The following KDM4B variants were observed in gnomAD, a reference collection of about 807,000 sequenced individuals.
The protein encoded by KDM4B is lysine demethylase 4B, also known as lysine-specific demethylase 4B.
Under a neutral mutation model 125.2 loss-of-function variants are expected in KDM4B, and 32 were observed. The ratio of observed to expected loss-of-function variants is 0.26; its 90% confidence interval spans 0.19 to 0.34. KDM4B has a LOEUF of 0.34. KDM4B is among the 10% of genes least tolerant of loss of function. KDM4B has a pLI of 1.00. For synonymous variants in KDM4B, 721 were observed against 677.9 expected (o/e 1.06, Z -0.99); for missense variants, 1,190 against 1,577.7 (o/e 0.75, Z 4.16).
Position 5,055,854 on chromosome 19 carries a change from CAG to C in KDM4B, c.626+8190_626+8191del, listed in dbSNP as rs1455938890. 3.9e-5 allele frequency among the ~76,000 whole-genome samples: 6 copies of C among 152,204 alleles called. No individual in the cohort carries two copies. In the South Asian group the frequency reaches 8.3e-4, roughly 21 times the overall value. Reference sequence around the variant, plus strand: ...TGAAAAAGTGGGAAGGTAGTAACCACAGAGAGTTCCCCACCGGGTTCCCTGTT... The same window carrying C: ...TGAAAAAGTGGGAAGGTAGTAACCACAGAGTTCCCCACCGGGTTCCCTGTT... On this transcript the variant is annotated intron_variant, in intron 6 of 22. Coordinates refer to ENST00000159111, the MANE Select transcript of KDM4B (RefSeq NM_015015.3).
rs1051110658 is a variant in KDM4B at position 4,971,427 on chromosome 19, G to C, written c.-109+2197G>C. On this transcript the variant is annotated intron_variant, in intron 1 of 22. Transcript: ENST00000159111. This position sits in a 1 kb window ranked among gnomAD's most constrained non-coding sequence, Gnocchi z 4.1. ...AATTCCTAATTTCTCTGTCTCCTCT[G>C]CTGGTTTCCTGCCCGTTTGTCCTAT... Among the ~76,000 whole-genome samples, 3 of 132,966 alleles carry C rather than the reference G, an allele frequency of 2.3e-5. No individual in the cohort carries two copies. Among genetic ancestry groups the C allele is most frequent in the African/African-American group, 9.0e-5 (3 of 33,276 alleles). 87.2% of individuals were successfully genotyped at this position (132,966 alleles called of 152,430 possible).
rs772711975 is a variant in KDM4B, at chr19:5,111,857, G to A, written c.1115+1039G>A. 10 of 763,600 alleles carry A rather than the reference G, an allele frequency of 1.3e-5. No homozygotes were observed. In the East Asian group the frequency reaches 1.7e-4, roughly 13 times the overall value. 47.3% of individuals were successfully genotyped at this position (763,600 alleles called of 1,614,324 possible). A position where few individuals can be genotyped will look rare whatever the true frequency, so the allele number is the denominator to read the frequency against. ...GATGATAGACAGCGAAGAAATGCGC[G>A]TGGCTGTGTCCGTGAAGCTTTGTTT... On this transcript the variant is annotated intron_variant, in intron 10 of 22. Transcript: ENST00000159111.
chr19:5,095,659 A>G (rs2038805927), intron 9 of KDM4B, among the ~76,000 whole-genome samples: 1 of 152,082 alleles, frequency 6.6e-6, no homozygotes, highest in African/African-American at 2.4e-5. Flanking sequence ...AGAGCCTGCT[A>G]GGAGGAGGGA....
chr19:5,130,578 C>T (rs918354191), intron 11 of KDM4B, among the ~76,000 whole-genome samples: 5 of 152,276 alleles, frequency 3.3e-5, no homozygotes, highest in Non-Finnish European at 7.3e-5. Flanking sequence ...CAAGGTTTTA[C>T]TTTCGTCAAA....
intron 12 of KDM4B, 110 bp from the exon 13 acceptor site, chr19:5,131,777 C>T: frequency 7.2e-7 from 1 of 1,394,050 alleles, no homozygotes; most frequent in Non-Finnish European, 1.0e-6. Context: ...ACAGTCACCC[C>T]AGGAGAGGAG....
chr19:5,137,763 G>A, intron 17 of KDM4B, 87 bp downstream of exon 17: 1 of 1,306,308 alleles, frequency 7.7e-7, no homozygotes, highest in Non-Finnish European at 1.0e-6. Context: ...CCAGTGCCTA[G>A]GGGTTGACCA....
At chr19:5,052,137 G>A (rs746735986) in intron 6 of KDM4B, among the ~76,000 whole-genome samples, 4 of 152,230 alleles carry the variant, frequency 2.6e-5, no homozygotes, top group South Asian at 2.1e-4. Flanking sequence ...GCTGCAAGCC[G>A]AGAATTTTCC....
chr19:5,087,646 C>T (rs1184530023), intron 9 of KDM4B, among the ~76,000 whole-genome samples: 1 of 152,242 alleles, frequency 6.6e-6, no homozygotes, highest in Non-Finnish European at 1.5e-5. Flanking sequence ...CCAGCATCTC[C>T]CCTCTCCTGC....
intron 1 of KDM4B, among the ~76,000 whole-genome samples, chr19:4,973,121 G>T (rs1407880881): frequency 6.6e-6 from 1 of 152,208 alleles, no homozygotes; most frequent in Non-Finnish European, 1.5e-5. Flanking sequence ...TCACCTCTTT[G>T]ATCTTGGCCT....
intron 1 of KDM4B, among the ~76,000 whole-genome samples, chr19:5,000,248 C>G (rs527933805): frequency 7.4e-6 from 1 of 135,542 alleles, no homozygotes; most frequent in Non-Finnish European, 1.6e-5. Flanking sequence ...CATCCACCCA[C>G]CCATCCATCC....
rs111428174 is a variant in KDM4B, at chr19:5,135,235, G to A, written c.2086-104G>A. ...TCCCCGACCTCCCCCTCCAGAGCCAGGGGGTGTCGAAGCCTGGGGCAGGTG... is the reference window on the plus strand; with the variant it reads ...TCCCCGACCTCCCCCTCCAGAGCCAAGGGGTGTCGAAGCCTGGGGCAGGTG... On this transcript the variant is annotated intron_variant, in intron 14 of 22. Coordinates refer to ENST00000159111, the MANE Select transcript of KDM4B (RefSeq NM_015015.3). 326 of 722,312 alleles carry A rather than the reference G, an allele frequency of 4.5e-4. 2 individuals carry two copies. The African/African-American group carries it at 5.1e-3, about 11-fold the overall frequency. The allele number at this position is 722,312 out of a possible 1,614,324, so 44.7% of individuals were successfully genotyped here. A position where few individuals can be genotyped will look rare whatever the true frequency, so the allele number is the denominator to read the frequency against.
In KDM4B at chr19:5,151,344, A is replaced by T; in HGVS notation, c.3124A>T (p.Thr1042Ser). ...TTCCGCTCTCCCGCAGTCACTGAGC[A>T]CGGGGGCACCGCAGGAGCCCGCCTT... ...KRVRSRLSLS[T>S]GAPQEPAFSG... Residue 1042 changes from threonine (T) to serine (S), a missense_variant, in exon 23 of 23, where the codon ACG becomes TCG. Thr to Ser is a moderately conservative substitution (Grantham distance 58). Around this residue, in one of 7 missense-constraint regions of KDM4B, gnomAD observed 109 missense variants for 93.8 expected, o/e 1.16. Transcript: ENST00000159111. 1 of 1,561,336 alleles carries T rather than the reference A, an allele frequency of 6.4e-7. No individual in the cohort carries two copies. Among genetic ancestry groups the T allele is most frequent in the South Asian group, 1.2e-5 (1 of 85,858 alleles).
At chr19:5,076,506 G>GCGTCCTTTCCC (rs2038115699) in intron 7 of KDM4B, 1 of 50,340 alleles carries the variant, frequency 2.0e-5, no homozygotes, top group Admixed American at 2.0e-4. Context: ...CGGCCACACT[G>GCGTCCTTTCCC]CATCCTTTCC....
chr19:5,119,661 G>T lies in KDM4B; in HGVS notation c.1124G>T (p.Arg375Leu). 1 of 1,555,530 alleles carries T rather than the reference G, an allele frequency of 6.4e-7. No individual in the cohort carries two copies. The highest frequency in any genetic ancestry group is 1.2e-5 in the South Asian group (1 of 84,486). The change falls in exon 11 of 23, where the codon CGG becomes CTG. Residue 375 changes from arginine to leucine, a missense_variant. Physicochemically the swap from Arg to Leu is moderately radical, Grantham distance 102. This residue lies in a region of KDM4B where 428 missense variants were observed against 405.1 expected (regional missense o/e 1.06). Coordinates refer to ENST00000159111, the MANE Select transcript of KDM4B (RefSeq NM_015015.3). Reference sequence around the variant, plus strand: ...TAAACCTCCCTCTCCAGGTCTCACCGGAAACGGAGCCAGCCCAAGAAGCCG... The same window carrying T: ...TAAACCTCCCTCTCCAGGTCTCACCTGAAACGGAGCCAGCCCAAGAAGCCG... ...LKAKLLRRSH[R>L]KRSQPKKPKP...
At chr19:4,993,556 A>G (rs1437125053) in intron 1 of KDM4B, among the ~76,000 whole-genome samples, 1 of 151,766 alleles carries the variant, frequency 6.6e-6, no homozygotes, top group African/African-American at 2.4e-5. Context: ...GTATCTTGCT[A>G]ATGGATTCAC....
At chr19:5,008,670 A>G (rs995986745) in intron 1 of KDM4B, among the ~76,000 whole-genome samples, 1 of 147,726 alleles carries the variant, frequency 6.8e-6, no homozygotes, top group African/African-American at 2.5e-5. Context: ...AATTCACGGT[A>G]ACCTCTGCCT....
chr19:5,004,529 G>T (rs552323086), intron 1 of KDM4B, among the ~76,000 whole-genome samples: 6 of 152,328 alleles, frequency 3.9e-5, no homozygotes, highest in African/African-American at 1.4e-4. Flanking sequence ...CAGGCATGTT[G>T]TCTGGGGACG....
rs2039809495 is a variant in KDM4B at position 5,144,636 on chromosome 19, A to G, written c.2902-147A>G. 5.0e-6 allele frequency: 6 copies of G among 1,202,178 alleles called. No homozygotes were observed. The South Asian group carries it at 7.3e-5, about 15-fold the overall frequency. 74.5% of individuals were successfully genotyped at this position (1,202,178 alleles called of 1,614,324 possible). A position where few individuals can be genotyped will look rare whatever the true frequency, so the allele number is the denominator to read the frequency against. On this transcript the variant is annotated intron_variant, in intron 20 of 22. Coordinates refer to ENST00000159111, the MANE Select transcript of KDM4B (RefSeq NM_015015.3). ...AAGCGACCCGCAGCCAGGGCTCTGC[A>G]CCGCCCCGCTACCCCGGGCCCCCGC...
At chr19:5,094,898 G>A (rs1257681344) in intron 9 of KDM4B, among the ~76,000 whole-genome samples, 2 of 152,182 alleles carry the variant, frequency 1.3e-5, no homozygotes, top group African/African-American at 2.4e-5. Flanking sequence ...CCTGGGCAGC[G>A]CAGGTGCAGG....
Sources: allele counts gnomAD v4.1 joint callset (sites outside exome capture counted in the v4.1 genomes callset), GRCh38; gene constraint gnomAD v4.1.1; regional missense constraint gnomAD v4.1.1; non-coding constraint Gnocchi (gnomAD v3.1); transcripts MANE v1.5; gene names NCBI Gene and HGNC (gene_info 2026-07-23, HGNC 2026-07-21).